The following PLVAP variants were observed in gnomAD, a reference collection of about 807,000 sequenced individuals.
PLVAP encodes plasmalemma vesicle associated protein, also known as plasmalemma vesicle-associated protein.
In PLVAP, 34 loss-of-function variants were observed where a neutral mutation model predicts 43.1. The observed-to-expected ratio is 0.79, with a 90% CI of 0.60 to 1.05. PLVAP has a LOEUF of 1.05. PLVAP is among the 50% of genes least tolerant of loss of function. The pLI is 0.00. For missense variants in PLVAP, 574 were observed against 593.4 expected (o/e 0.97, Z 0.34); for synonymous variants, 241 against 237.3 (o/e 1.02, Z -0.14).
chr19:17,358,916 C>T (rs564912659), intron 5 of PLVAP, among the ~76,000 whole-genome samples: 1 of 151,986 alleles, frequency 6.6e-6, no homozygotes, highest in East Asian at 1.9e-4. Context: ...CTTCCCACCT[C>T]AGGCTCCTGA....
At chr19:17,363,592 G>T (rs1400940735) in intron 3 of PLVAP, among the ~76,000 whole-genome samples, 2 of 148,690 alleles carry the variant, frequency 1.3e-5, no homozygotes, top group African/African-American at 2.5e-5. Flanking sequence ...GATGTCTGTT[G>T]CTCCCATCCT....
chr19:17,362,782 G>C (rs1488074221), intron 3 of PLVAP: 1 of 152,182 alleles, frequency 6.6e-6, no homozygotes, highest in African/African-American at 2.4e-5. Context: ...TCTAAAATCA[G>C]TGAAATCCTA....
Position 17,376,398 on chromosome 19 carries a change from G to A in PLVAP, c.369+522C>T, listed in dbSNP as rs180713471. Among the ~76,000 whole-genome samples the A allele has an allele frequency of 2.4e-3, 361 of 152,150 alleles. 4 individuals carry two copies. The highest frequency in any genetic ancestry group is 4.3e-3 in the Admixed American group (65 of 15,258). On this transcript the variant is annotated intron_variant, in intron 1 of 5. Coordinates refer to ENST00000252590, the MANE Select transcript of PLVAP (RefSeq NM_031310.3). Reference sequence around the variant, plus strand: ...CCAGCTACTCAGGAGGCTGAGGCAAGAGGATCACTTGAGTCCAGGAGATTG... The same window carrying A: ...CCAGCTACTCAGGAGGCTGAGGCAAAAGGATCACTTGAGTCCAGGAGATTG...
intron 3 of PLVAP, 118 bp downstream of exon 3, chr19:17,365,168 C>T (rs2074543333): frequency 7.0e-6 from 6 of 860,096 alleles, no homozygotes; most frequent in East Asian, 2.6e-5. Flanking sequence ...AGTTGTAACT[C>T]ACCCAACCTA....
chr19:17,356,517 C>G (rs925403062), intron 5 of PLVAP, among the ~76,000 whole-genome samples: 1 of 152,012 alleles, frequency 6.6e-6, no homozygotes, highest in South Asian at 2.1e-4. Flanking sequence ...TATTTTTTCT[C>G]TCTTAGAGAC....
In PLVAP at chr19:17,365,390, C is replaced by T. The variant is rs1418495058; in HGVS notation, c.1075G>A (p.Asp359Asn). ...EEKAVLRKERDNLAKELEEKK... is the reference protein window; with the variant it reads ...EEKAVLRKERNNLAKELEEKK... ...TCTTCCAGCTCCTTGGCCAGGTTGT[C>T]TCGTTCCTTCCGCAGCACCGCCTTC... Residue 359 changes from aspartate (D) to asparagine (N), a missense_variant, in exon 3 of 6, where the codon GAC (aspartate) becomes AAC (asparagine). Transcript: ENST00000252590. The T allele has an allele frequency of 1.2e-6, 2 of 1,613,332 alleles. No homozygotes were observed. The highest frequency in any genetic ancestry group is 1.7e-6 in the Non-Finnish European group (2 of 1,180,016).
intron 1 of PLVAP, among the ~76,000 whole-genome samples, chr19:17,376,446 C>A (rs1376472842): frequency 1.3e-5 from 2 of 151,676 alleles, no homozygotes; most frequent in East Asian, 3.9e-4. Context: ...GCTGTGATAG[C>A]AATTGCACTC....
intron 3 of PLVAP, 82 bp from the exon 4 acceptor site, chr19:17,360,914 C>CTTT (rs71336607): frequency 3.5e-4 from 312 of 903,902 alleles, no homozygotes; most frequent in African/African-American, 4.6e-4. Context: ...TTTTCTTTTT[C>CTTT]TTTTTTTTTT....
intron 1 of PLVAP, among the ~76,000 whole-genome samples, chr19:17,370,566 C>T (rs920814609): frequency 6.6e-6 from 1 of 152,150 alleles, no homozygotes; most frequent in Admixed American, 6.6e-5. Context: ...TGAGATTCCA[C>T]TGACATGAAA....
intron 1 of PLVAP, among the ~76,000 whole-genome samples, chr19:17,370,430 C>A (rs1476680384): frequency 6.6e-6 from 1 of 152,176 alleles, no homozygotes; most frequent in East Asian, 1.9e-4. Context: ...AAATGTGTTC[C>A]TTCCATACAT....
Position 17,365,437 on chromosome 19 carries a change from T to A in PLVAP, c.1028A>T (p.Gln343Leu). The change falls in exon 3 of 6, where the codon CAG (glutamine) becomes CTG (leucine). Residue 343 changes from glutamine (Q) to leucine (L), a missense_variant. Coordinates refer to ENST00000252590, the MANE Select transcript of PLVAP (RefSeq NM_031310.3). Reference sequence around the variant, plus strand: ...CTTCTCCTCCAGCGCTAGCTGGGTCTGCCGGGAGCATTCAGCTTGGAGCTT... The same window carrying A: ...CTTCTCCTCCAGCGCTAGCTGGGTCAGCCGGGAGCATTCAGCTTGGAGCTT... ...EAKLQAECSRQTQLALEEKAV... is the reference protein window; with the variant it reads ...EAKLQAECSRLTQLALEEKAV... 2 of 1,613,196 alleles carry A rather than the reference T, an allele frequency of 1.2e-6. No individual in the cohort carries two copies. The highest frequency in any genetic ancestry group is 1.6e-4 in the Middle Eastern group (1 of 6,062).
chr19:17,377,229 G>A lies in PLVAP; in HGVS notation c.60C>T (p.Gly20=). ...AGAAGTAGCGCAGGTAATACCAGCAGCCCCGAGAGCTGCCCCCCGCCCGAG... is the reference window on the plus strand; with the variant it reads ...AGAAGTAGCGCAGGTAATACCAGCAACCCCGAGAGCTGCCCCCCGCCCGAG... ...SYARAGGSSR[G]CWYYLRYFFL... The change falls in exon 1 of 6, where the codon GGC becomes GGT. Residue 20 remains glycine, a synonymous_variant. Coordinates refer to ENST00000252590, the MANE Select transcript of PLVAP (RefSeq NM_031310.3). 6.2e-7 allele frequency: 1 copy of A among 1,614,142 alleles called. No homozygotes were observed.
intron 1 of PLVAP, among the ~76,000 whole-genome samples, chr19:17,371,303 A>G (rs1004373299): frequency 6.7e-6 from 1 of 150,134 alleles, no homozygotes; most frequent in African/African-American, 2.5e-5. Flanking sequence ...CTGGGAATAC[A>G]GGGGTGCACC....
chr19:17,357,413 A>G (rs1710371141), intron 5 of PLVAP, among the ~76,000 whole-genome samples: 1 of 152,140 alleles, frequency 6.6e-6, no homozygotes. Context: ...CTAGTGACTC[A>G]GCTACTTGGG....
chr19:17,355,423 C>T (rs1210644270), intron 5 of PLVAP, among the ~76,000 whole-genome samples: 6 of 151,678 alleles, frequency 4.0e-5, no homozygotes, highest in Admixed American at 3.3e-4. Context: ...AGTGCAGTGG[C>T]GTGATCATAG....
At chr19:17,352,442 G>A (rs2074490162) in intron 5 of PLVAP, 74 bp from the exon 6 acceptor site, 5 of 1,531,072 alleles carry the variant, frequency 3.3e-6, no homozygotes, top group Non-Finnish European at 4.5e-6. Context: ...GGGCCCTGGA[G>A]GCTCGTCCTC....
chr19:17,375,561 G>A lies in PLVAP; in HGVS notation c.369+1359C>T, dbSNP rs117433619. Among the ~76,000 whole-genome samples, 92 of 151,798 alleles carry A rather than the reference G, an allele frequency of 6.1e-4. No individual in the cohort carries two copies. In the East Asian group the frequency reaches 0.017, roughly 28 times the overall value. On this transcript the variant is annotated intron_variant, in intron 1 of 5. Coordinates refer to ENST00000252590, the MANE Select transcript of PLVAP (RefSeq NM_031310.3). ...TCAAGACCAGCCTCAGCAGCATAGTGAGATTCTGTCTCTAAAAAAAAGTTA... is the reference window on the plus strand; with the variant it reads ...TCAAGACCAGCCTCAGCAGCATAGTAAGATTCTGTCTCTAAAAAAAAGTTA...
At chr19:17,357,756 C>T (rs1011114514) in intron 5 of PLVAP, among the ~76,000 whole-genome samples, 3 of 152,222 alleles carry the variant, frequency 2.0e-5, no homozygotes, top group South Asian at 2.1e-4. Context: ...CACTTGCCCC[C>T]GGCCTCTCTC....
At chr19:17,368,094 G>A (rs1408556174) in intron 1 of PLVAP, among the ~76,000 whole-genome samples, 1 of 119,096 alleles carries the variant, frequency 8.4e-6, no homozygotes, top group East Asian at 2.3e-4. Context: ...TTTTTGAGAC[G>A]GAGTTTCGCT....
Sources: gnomAD v4.1 joint callset for allele counts (sites outside exome capture counted in the v4.1 genomes callset) on GRCh38, gnomAD v4.1.1 for gene constraint, MANE v1.5 for transcripts, NCBI Gene and HGNC (gene_info 2026-07-23, HGNC 2026-07-21) for gene names.